HIRA: variants seen among roughly 807,000 people sequenced by gnomAD.
HIRA encodes the protein protein HIRA.
Under a neutral mutation model 126.6 loss-of-function variants are expected in HIRA, and 13 were observed. That is an observed-to-expected ratio of 0.10 (90% CI 0.07 to 0.16). The LOEUF is 0.16. Among genes scored for constraint, HIRA ranks in the 10% least tolerant of loss-of-function variants. The pLI is 1.00. For missense variants in HIRA, 834 were observed against 1,314.4 expected (o/e 0.63, Z 5.65); for synonymous variants, 511 against 520.0 (o/e 0.98, Z 0.24).
At chr22:19,410,614 C>T in intron 2 of HIRA, 102 bp downstream of exon 2, 1 of 827,056 alleles carries the variant, frequency 1.2e-6, no homozygotes, top group East Asian at 2.4e-5. Context: ...TGCATCCATC[C>T]TGAAAAATAG....
chr22:19,337,193 A>T (rs1376255745), intron 24 of HIRA, among the ~76,000 whole-genome samples: 1 of 152,006 alleles, frequency 6.6e-6, no homozygotes. Flanking sequence ...CAGAAGGCTG[A>T]TTATTAAGCT....
At chr22:19,360,850 G>T (rs1418063541) in intron 17 of HIRA, among the ~76,000 whole-genome samples, 1 of 152,240 alleles carries the variant, frequency 6.6e-6, no homozygotes, top group Admixed American at 6.5e-5. Flanking sequence ...TAGCAGGATG[G>T]TTGGGAGATA....
intron 24 of HIRA, among the ~76,000 whole-genome samples, chr22:19,341,132 A>G (rs2088623577): frequency 2.0e-5 from 3 of 152,118 alleles, no homozygotes; most frequent in African/African-American, 4.8e-5. Flanking sequence ...TCTGGGCAAC[A>G]TGGCGAAACT....
intron 21 of HIRA, 109 bp from the exon 22 acceptor site, chr22:19,354,227 C>T (rs1352577358): frequency 2.3e-5 from 27 of 1,166,270 alleles, no homozygotes; most frequent in Middle Eastern, 2.3e-4. Flanking sequence ...CAGCCCCTGC[C>T]GACACAGAAA....
chr22:19,376,385 T>TC (rs1160296185), intron 14 of HIRA, among the ~76,000 whole-genome samples: 6 of 152,126 alleles, frequency 3.9e-5, no homozygotes, highest in African/African-American at 1.2e-4. Flanking sequence ...GGTCCATCCT[T>TC]CATGTCCAAG....
chr22:19,379,257 C>T (rs1329932268), intron 13 of HIRA, among the ~76,000 whole-genome samples: 2 of 151,428 alleles, frequency 1.3e-5, no homozygotes, highest in Non-Finnish European at 2.9e-5. Flanking sequence ...CGTGATCCGC[C>T]CGCCTTGGCT....
chr22:19,347,497 G>T (rs184582369), intron 24 of HIRA, among the ~76,000 whole-genome samples: 6 of 152,136 alleles, frequency 3.9e-5, no homozygotes, highest in African/African-American at 1.4e-4. Flanking sequence ...AAAAAAAGGT[G>T]GACAAATAGC....
At chr22:19,405,698 C>T in intron 5 of HIRA, 88 bp downstream of exon 5, 1 of 1,045,244 alleles carries the variant, frequency 9.6e-7, no homozygotes, top group Non-Finnish European at 1.3e-6. Context: ...GCTTTAAGGA[C>T]CAAACAGTCC....
intron 8 of HIRA, among the ~76,000 whole-genome samples, chr22:19,394,100 G>A (rs762264757): frequency 1.3e-5 from 2 of 152,312 alleles, no homozygotes; most frequent in Admixed American, 6.5e-5. Context: ...GGGTGGCACC[G>A]TGCTTGGGCA....
chr22:19,363,118 C>T (rs1168882088), intron 15 of HIRA, among the ~76,000 whole-genome samples: 4 of 151,058 alleles, frequency 2.6e-5, no homozygotes, highest in Non-Finnish European at 5.9e-5. Context: ...CCTGTAGTCC[C>T]AGCTACTCGG....
intron 24 of HIRA, among the ~76,000 whole-genome samples, chr22:19,344,902 T>G (rs144179136): frequency 6.6e-6 from 1 of 152,182 alleles, no homozygotes; most frequent in African/African-American, 2.4e-5. Flanking sequence ...ATCATCTTAA[T>G]GCAGAAAAAG....
chr22:19,405,789 C>A lies in HIRA; in HGVS notation c.394G>T (p.Gly132Cys). ...CCCAACAGGCAGTCCCACTCACCGC[C>A]TGAATGATTCCGGAGGATAGAGACA... ...RCVSILRNHS[G>C]DVMDVAWSPH... The change falls in exon 5 of 25, where the codon GGC becomes TGC. Residue 132 changes from glycine (G) to cysteine (C), a missense_variant. Physicochemically the swap from Gly to Cys is radical, Grantham distance 159. Transcript: ENST00000263208. 6.9e-7 allele frequency: 1 copy of A among 1,451,812 alleles called. No homozygotes were observed. Among genetic ancestry groups the A allele is most frequent in the Non-Finnish European group, 9.1e-7 (1 of 1,093,382 alleles). The allele number at this position is 1,451,812 out of a possible 1,614,324, so 89.9% of individuals were successfully genotyped here.
chr22:19,416,076 C>T (rs2089394472), intron 1 of HIRA, among the ~76,000 whole-genome samples: 1 of 152,162 alleles, frequency 6.6e-6, no homozygotes, highest in African/African-American at 2.4e-5. Context: ...CAGAAATAAA[C>T]TGTTGTGTAT....
intron 15 of HIRA, among the ~76,000 whole-genome samples, chr22:19,365,407 T>C (rs990542240): frequency 6.6e-6 from 1 of 152,208 alleles, no homozygotes; most frequent in Non-Finnish European, 1.5e-5. Context: ...GGTTATCTTA[T>C]TGAAGTGAAT....
chr22:19,424,041 A>G (rs926603351), intron 1 of HIRA, among the ~76,000 whole-genome samples: 3 of 152,204 alleles, frequency 2.0e-5, no homozygotes, highest in African/African-American at 4.8e-5. Flanking sequence ...TTAGCTGCCC[A>G]TCCATCAGCC....
intron 24 of HIRA, among the ~76,000 whole-genome samples, chr22:19,345,608 A>G (rs1320971387): frequency 2.6e-5 from 4 of 152,212 alleles, no homozygotes; most frequent in African/African-American, 7.2e-5. Flanking sequence ...ATCAGGCATT[A>G]GATTCTCATA....
chr22:19,378,161 A>C (rs1569300639), intron 13 of HIRA, 95 bp from the exon 14 acceptor site: 6 of 880,294 alleles, frequency 6.8e-6, no homozygotes, highest in Non-Finnish European at 9.8e-6. Flanking sequence ...GTCCAAAGGC[A>C]GTATGTTTTC....
intron 24 of HIRA, among the ~76,000 whole-genome samples, chr22:19,344,066 C>T (rs1556008263): frequency 6.6e-6 from 1 of 151,918 alleles, no homozygotes; most frequent in East Asian, 1.9e-4. Context: ...ATACAACATA[C>T]CAAAACTTAC....
intron 7 of HIRA, among the ~76,000 whole-genome samples, chr22:19,396,429 T>A (rs567701644): frequency 1.3e-5 from 2 of 152,294 alleles, no homozygotes; most frequent in Admixed American, 1.3e-4. Flanking sequence ...GGCAGGAGAA[T>A]CGCTTGAACC....
Sources: allele counts gnomAD v4.1 joint callset (sites outside exome capture counted in the v4.1 genomes callset), GRCh38; gene constraint gnomAD v4.1.1; transcripts MANE v1.5; gene names NCBI Gene and HGNC (gene_info 2026-07-23, HGNC 2026-07-21).